EPHB1: variants seen among roughly 807,000 people sequenced by gnomAD.
EPHB1 encodes ephrin type-B receptor 1.
EPHB1 carries 30 observed loss-of-function variants against 94.4 expected under a neutral mutation model. The ratio of observed to expected loss-of-function variants is 0.32; its 90% confidence interval spans 0.24 to 0.43. The LOEUF (loss-of-function observed/expected upper bound fraction) is 0.43. EPHB1 is among the 20% of genes least tolerant of loss of function. EPHB1 has a pLI of 1.00. For synonymous variants in EPHB1, 522 were observed against 489.1 expected (o/e 1.07, Z -0.89); for missense variants, 1,055 against 1,308.3 (o/e 0.81, Z 2.99).
At chr3:134,978,737 G>T (rs142206484) in intron 3 of EPHB1, among the ~76,000 whole-genome samples, 94 of 152,318 alleles carry the variant, frequency 6.2e-4, no homozygotes, top group Admixed American at 1.9e-3. Flanking sequence ...GAGTGCTCTT[G>T]CCTGGTCCTC....
intron 3 of EPHB1, among the ~76,000 whole-genome samples, chr3:134,966,747 AT>A (rs2107724766): frequency 6.6e-6 from 1 of 152,346 alleles, no homozygotes; most frequent in East Asian, 1.9e-4. Flanking sequence ...ACTCTATCCT[AT>A]TCTTGGTTCA....
intron 3 of EPHB1, among the ~76,000 whole-genome samples, chr3:134,960,417 T>C (rs1213319719): frequency 1.3e-5 from 2 of 152,220 alleles, no homozygotes; most frequent in Non-Finnish European, 2.9e-5. Context: ...GCTAGTTACC[T>C]GGCAAGGCAG....
At chr3:134,940,767 T>C (rs1578214518) in intron 2 of EPHB1, among the ~76,000 whole-genome samples, 2 of 152,264 alleles carry the variant, frequency 1.3e-5, no homozygotes, top group East Asian at 3.8e-4. Flanking sequence ...ATTATTCATT[T>C]GTTTGTTTGT....
intron 2 of EPHB1, among the ~76,000 whole-genome samples, chr3:134,947,656 G>C (rs191866864): frequency 2.6e-5 from 4 of 152,182 alleles, no homozygotes; most frequent in African/African-American, 9.7e-5. Flanking sequence ...TTACAGATGA[G>C]AAAACTGAGG....
intron 1 of EPHB1, among the ~76,000 whole-genome samples, chr3:134,838,228 G>A (rs769576425): frequency 6.6e-6 from 1 of 152,208 alleles, no homozygotes; most frequent in Non-Finnish European, 1.5e-5. Flanking sequence ...AACAGAAAAA[G>A]ATGTAAGATT....
intron 1 of EPHB1, among the ~76,000 whole-genome samples, chr3:134,816,185 C>T (rs951268868): frequency 1.3e-5 from 2 of 149,992 alleles, no homozygotes; most frequent in African/African-American, 4.9e-5. Flanking sequence ...TGGGTTCAAG[C>T]GATTCTCATG....
intron 12 of EPHB1, among the ~76,000 whole-genome samples, chr3:135,218,852 G>A (rs916963628): frequency 4.6e-5 from 7 of 152,198 alleles, no homozygotes; most frequent in East Asian, 1.9e-4. Context: ...TATATCAAGC[G>A]TGTATCACAA....
intron 7 of EPHB1, among the ~76,000 whole-genome samples, chr3:135,164,617 T>C (rs1355903941): frequency 6.6e-6 from 1 of 152,064 alleles, no homozygotes; most frequent in Non-Finnish European, 1.5e-5. Context: ...AAGACCAGCC[T>C]GGCCAACATG....
intron 3 of EPHB1, among the ~76,000 whole-genome samples, chr3:135,060,000 G>A (rs1248737956): frequency 6.6e-6 from 1 of 152,214 alleles, no homozygotes; most frequent in Non-Finnish European, 1.5e-5. Flanking sequence ...GTGCACAAGT[G>A]TGTTCATCTT....
At chr3:135,005,398 C>T (rs1309499783) in intron 3 of EPHB1, among the ~76,000 whole-genome samples, 1 of 152,256 alleles carries the variant, frequency 6.6e-6, no homozygotes, top group Non-Finnish European at 1.5e-5. Context: ...GCAGAGGAGA[C>T]TGCTGTCTTT....
intron 1 of EPHB1, among the ~76,000 whole-genome samples, chr3:134,797,240 G>A (rs923281129): frequency 1.3e-5 from 2 of 152,210 alleles, no homozygotes; most frequent in Admixed American, 1.3e-4. Context: ...GAACGTGCAG[G>A]AGAAGACTGG....
intron 10 of EPHB1, among the ~76,000 whole-genome samples, chr3:135,184,134 G>A (rs1443884362): frequency 6.6e-6 from 1 of 152,106 alleles, no homozygotes; most frequent in African/African-American, 2.4e-5. Context: ...GATGAATGGA[G>A]TGACTAGTGA....
chr3:134,915,919 G>A (rs571801543), intron 1 of EPHB1, among the ~76,000 whole-genome samples: 6 of 152,186 alleles, frequency 3.9e-5, no homozygotes, highest in Non-Finnish European at 8.8e-5. Context: ...CGAATGGGTT[G>A]CCACTGCTGG....
At chr3:134,846,645 C>T (rs946832454) in intron 1 of EPHB1, among the ~76,000 whole-genome samples, 4 of 152,028 alleles carry the variant, frequency 2.6e-5, no homozygotes, top group South Asian at 2.1e-4. Flanking sequence ...GTCCTCTTCA[C>T]GAAAGTCTTT....
intron 1 of EPHB1, among the ~76,000 whole-genome samples, chr3:134,873,751 A>G (rs995960924): frequency 6.6e-6 from 1 of 152,230 alleles, no homozygotes; most frequent in East Asian, 1.9e-4. Context: ...TCCTGTGATG[A>G]TGTTAAGAAG....
intron 1 of EPHB1, among the ~76,000 whole-genome samples, chr3:134,812,517 G>A (rs1266792237): frequency 6.6e-6 from 1 of 152,140 alleles, no homozygotes; most frequent in Non-Finnish European, 1.5e-5. Context: ...TTTCACAGTT[G>A]GTGGACATTT....
intron 1 of EPHB1, among the ~76,000 whole-genome samples, chr3:134,851,365 G>A (rs559553948): frequency 1.1e-3 from 172 of 152,120 alleles, no homozygotes; most frequent in Non-Finnish European, 1.7e-3. Context: ...CCTTTGACCC[G>A]GATCCCCATC....
At chr3:135,090,757 A>G (rs1026598585) in intron 3 of EPHB1, among the ~76,000 whole-genome samples, 1 of 152,228 alleles carries the variant, frequency 6.6e-6, no homozygotes, top group African/African-American at 2.4e-5. Context: ...TCTGCCCCTT[A>G]TCTGTCAAGA....
intron 1 of EPHB1, among the ~76,000 whole-genome samples, chr3:134,818,409 A>G (rs2108288880): frequency 6.6e-6 from 1 of 152,328 alleles, no homozygotes; most frequent in East Asian, 1.9e-4. Context: ...ATTGGGGTAC[A>G]GGTAGTATTT....
Sources: allele counts gnomAD v4.1 joint callset (sites outside exome capture counted in the v4.1 genomes callset), GRCh38; gene constraint gnomAD v4.1.1; transcripts MANE v1.5; gene names NCBI Gene and HGNC (gene_info 2026-07-23, HGNC 2026-07-21).